PRKAG2: variants seen among roughly 807,000 people sequenced by gnomAD.
PRKAG2 encodes the protein protein kinase AMP-activated non-catalytic subunit gamma 2.
PRKAG2 carries 26 observed loss-of-function variants against 69.6 expected under a neutral mutation model. That is an observed-to-expected ratio of 0.37 (90% confidence interval 0.27 to 0.52). The LOEUF is 0.52. Among genes scored for constraint, PRKAG2 ranks in the 20% least tolerant of loss-of-function variants. The probability of loss-of-function intolerance (pLI) is 0.90; values close to 1 mark genes in which losing one functional copy is unlikely to be tolerated. For missense variants in PRKAG2, 557 were observed against 740.0 expected (o/e 0.75, Z 2.87); for synonymous variants, 293 against 285.0 (o/e 1.03, Z -0.28).
chr7:151,563,714 T>C (rs1805595903), intron 14 of PRKAG2, among the ~76,000 whole-genome samples: 1 of 152,230 alleles, frequency 6.6e-6, no homozygotes, highest in Non-Finnish European at 1.5e-5. Flanking sequence ...CTATTAGCTA[T>C]GACTACAGGT....
chr7:151,645,318 C>G (rs1563333692), intron 4 of PRKAG2, among the ~76,000 whole-genome samples: 3 of 152,232 alleles, frequency 2.0e-5, no homozygotes, highest in Non-Finnish European at 4.4e-5. Flanking sequence ...AACTAAGGCT[C>G]TCAGTCTAAC....
chr7:151,820,987 G>C (rs2078756630), intron 1 of PRKAG2, among the ~76,000 whole-genome samples: 1 of 2,250 alleles, frequency 4.4e-4, no homozygotes, highest in African/African-American at 1.3e-3. Context: ...CTGCATTGCT[G>C]GGACCCAAGA....
chr7:151,582,737 C>A (rs796561277), intron 6 of PRKAG2, among the ~76,000 whole-genome samples: 1 of 152,234 alleles, frequency 6.6e-6, no homozygotes, highest in Admixed American at 6.5e-5. Flanking sequence ...ATAAGCACAG[C>A]AGCTCACTTC....
intron 5 of PRKAG2, among the ~76,000 whole-genome samples, chr7:151,599,566 T>C (rs1406877903): frequency 6.6e-6 from 1 of 152,110 alleles, no homozygotes; most frequent in Non-Finnish European, 1.5e-5. Flanking sequence ...CTGGGGGTGG[T>C]AGTGGGTGGT....
chr7:151,650,315 A>AT (rs397742740), intron 4 of PRKAG2, among the ~76,000 whole-genome samples: 3 of 151,676 alleles, frequency 2.0e-5, no homozygotes, highest in Admixed American at 6.6e-5. Flanking sequence ...AAAAAAAAAA[A>AT]TTTAGAAGAA....
chr7:151,764,229 C>G (rs1481681140), intron 3 of PRKAG2, among the ~76,000 whole-genome samples: 1 of 152,174 alleles, frequency 6.6e-6, no homozygotes, highest in African/African-American at 2.4e-5. Context: ...GCCGCTTTGA[C>G]AGATCTGCAA....
At chr7:151,561,273 C>T (rs750212934) in intron 14 of PRKAG2, among the ~76,000 whole-genome samples, 6 of 152,154 alleles carry the variant, frequency 3.9e-5, no homozygotes, top group African/African-American at 9.7e-5. Context: ...CGAAACACAA[C>T]GTAGCTATCA....
At chr7:151,654,179 A>G (rs1006355877) in intron 4 of PRKAG2, among the ~76,000 whole-genome samples, 5 of 152,152 alleles carry the variant, frequency 3.3e-5, no homozygotes, top group Admixed American at 1.3e-4. Context: ...AGATATGCCA[A>G]CCAGGAAAGC....
At chr7:151,604,423 G>A (rs980856692) in intron 5 of PRKAG2, among the ~76,000 whole-genome samples, 4 of 152,176 alleles carry the variant, frequency 2.6e-5, no homozygotes, top group Admixed American at 1.3e-4. Flanking sequence ...GAGCCCTGGA[G>A]GCTAGGAGTT....
In PRKAG2 at chr7:151,840,922, C is replaced by G. The variant is rs1433301340; in HGVS notation, c.114+35585G>C. ...GCTGGGGCAGGAAGATCACTGGAGC[C>G]CAGGTGTTCAAGTCCAGCCTATGAG... On this transcript the variant is annotated intron_variant, in intron 1 of 15. Transcript: ENST00000287878. 2.0e-5 allele frequency among the ~76,000 whole-genome samples: 3 copies of G among 152,302 alleles called. No homozygotes were observed. In the East Asian group the frequency reaches 5.8e-4, roughly 29 times the overall value.
At chr7:151,673,515 C>G (rs73158145) in intron 4 of PRKAG2, among the ~76,000 whole-genome samples, 12,515 of 152,242 alleles carry the variant, frequency 0.082, 697 homozygotes, top group Non-Finnish European at 0.12. Flanking sequence ...CAGTACTGTT[C>G]AGTTCCCAAT....
intron 3 of PRKAG2, among the ~76,000 whole-genome samples, chr7:151,775,843 G>A (rs914484871): frequency 3.9e-5 from 6 of 152,136 alleles, no homozygotes; most frequent in Non-Finnish European, 8.8e-5. Context: ...CCTCCAGATG[G>A]GCCGATGGCA....
chr7:151,657,671 C>T (rs969831774), intron 4 of PRKAG2, among the ~76,000 whole-genome samples: 1 of 152,070 alleles, frequency 6.6e-6, no homozygotes, highest in Non-Finnish European at 1.5e-5. Context: ...TGTGGCTGGC[C>T]CATAACAGGC....
chr7:151,816,811 G>A (rs911606573), intron 1 of PRKAG2, among the ~76,000 whole-genome samples: 8 of 152,146 alleles, frequency 5.3e-5, no homozygotes, highest in African/African-American at 1.9e-4. Context: ...TATTTTCTGT[G>A]TGCTTTATTC....
At chr7:151,790,084 C>A (rs761644449) in intron 1 of PRKAG2, among the ~76,000 whole-genome samples, 3 of 152,158 alleles carry the variant, frequency 2.0e-5, no homozygotes, top group African/African-American at 7.2e-5. Flanking sequence ...GAACTGCTCT[C>A]ATTTTGCTTC....
intron 5 of PRKAG2, among the ~76,000 whole-genome samples, chr7:151,610,655 G>C (rs193108958): frequency 6.6e-6 from 1 of 150,518 alleles, no homozygotes; most frequent in Admixed American, 6.6e-5. Context: ...CCAGCCTGGG[G>C]GACAGAGCGA....
chr7:151,574,799 A>C, intron 8 of PRKAG2, 92 bp downstream of exon 8: 1 of 1,560,630 alleles, frequency 6.4e-7, no homozygotes, highest in South Asian at 1.2e-5. Flanking sequence ...AAAACTGAAA[A>C]CATTAAAAAT....
At chr7:151,714,542 G>A (rs886735427) in intron 3 of PRKAG2, among the ~76,000 whole-genome samples, 2 of 151,110 alleles carry the variant, frequency 1.3e-5, no homozygotes, top group Non-Finnish European at 1.5e-5. Context: ...CTTGCCCTTC[G>A]TGTATCTGTT....
In PRKAG2 at chr7:151,638,451, G is replaced by T. The variant is rs1826104537; in HGVS notation, c.685-6313C>A. ...AGATCGAGACCATCCTGGCCAACAT[G>T]GTGAAAACCCCGTCTCTACTAAAAA... On this transcript the variant is annotated intron_variant, in intron 4 of 15. Coordinates refer to ENST00000287878, the MANE Select transcript of PRKAG2 (RefSeq NM_016203.4). The surrounding 1 kb of genome is among the most constrained non-coding windows in gnomAD (Gnocchi z 4.3). Among the ~76,000 whole-genome samples, 1 of 152,136 alleles carries T rather than the reference G, an allele frequency of 6.6e-6. No individual in the cohort carries two copies. The highest frequency in any genetic ancestry group is 2.4e-5 in the African/African-American group (1 of 41,406).
Sources: gnomAD v4.1 joint callset for allele counts (sites outside exome capture counted in the v4.1 genomes callset) on GRCh38, gnomAD v4.1.1 for gene constraint, Gnocchi (gnomAD v3.1) non-coding constraint, MANE v1.5 for transcripts, NCBI Gene and HGNC (gene_info 2026-07-23, HGNC 2026-07-21) for gene names.